The following POMZP3 variants were observed in gnomAD, a reference collection of about 807,000 sequenced individuals.
POMZP3 encodes the protein POM121 and ZP3 fusion protein.
POMZP3 carries 10 observed loss-of-function variants against 19.8 expected under a neutral mutation model. The observed-to-expected ratio is 0.51, with a 90% CI of 0.31 to 0.86. The LOEUF (loss-of-function observed/expected upper bound fraction) is 0.86. POMZP3 is among the 40% of genes least tolerant of loss of function. The probability of loss-of-function intolerance (pLI) is 0.04; values close to 1 mark genes in which losing one functional copy is unlikely to be tolerated. For missense variants in POMZP3, 152 were observed against 228.1 expected, an observed-to-expected ratio of 0.67 and a Z score of 2.15; for synonymous variants, 57 against 85.8, an observed-to-expected ratio of 0.66 and a Z score of 1.85.
chr7:76,620,947 C>A (rs528849636), intron 3 of POMZP3, among the ~76,000 whole-genome samples: 25 of 142,746 alleles, frequency 1.8e-4, no homozygotes, highest in Middle Eastern at 3.9e-3. Flanking sequence ...TGGCTCACTG[C>A]AACCTCTGCC....
intron 2 of POMZP3, 106 bp from the exon 3 acceptor site, chr7:76,625,789 T>C (rs1410218055): frequency 1.8e-5 from 25 of 1,416,440 alleles, no homozygotes; most frequent in Non-Finnish European, 2.4e-5. Context: ...ATTTATACAC[T>C]CACAACAGTT....
intron 6 of POMZP3, among the ~76,000 whole-genome samples, chr7:76,611,181 C>T (rs565941525): frequency 3.3e-5 from 5 of 150,736 alleles, no homozygotes; most frequent in South Asian, 2.1e-4. Flanking sequence ...GCCAGATTAT[C>T]TTAACAACTG....
chr7:76,616,407 C>A (rs1455213964), intron 4 of POMZP3, among the ~76,000 whole-genome samples: 1 of 100,412 alleles, frequency 1.0e-5, no homozygotes, highest in Non-Finnish European at 2.2e-5. Context: ...AGGCCCTACC[C>A]CAATAGAGTG....
chr7:76,611,957 G>C (rs924699848), intron 4 of POMZP3, 144 bp from the exon 5 acceptor site: 2 of 1,469,138 alleles, frequency 1.4e-6, no homozygotes, highest in African/African-American at 1.4e-5. Flanking sequence ...CCAGCACTTT[G>C]GGAGGCCAAG....
At chr7:76,616,280 CAAAA>C (rs1161112529) in intron 4 of POMZP3, among the ~76,000 whole-genome samples, 6,703 of 57,752 alleles carry the variant, frequency 0.12, 835 homozygotes, top group African/African-American at 0.36. Context: ...GAGACTGTCT[CAAAA>C]AAAAAAAAAA....
At chr7:76,615,163 T>C (rs1815246554) in intron 4 of POMZP3, among the ~76,000 whole-genome samples, 1 of 97,986 alleles carries the variant, frequency 1.0e-5, no homozygotes, top group South Asian at 3.5e-4. Context: ...TAGTTACCCC[T>C]CCACACCCAG....
chr7:76,624,696 T>C (rs2116883304), intron 3 of POMZP3, among the ~76,000 whole-genome samples: 1 of 149,834 alleles, frequency 6.7e-6, no homozygotes, highest in Admixed American at 6.6e-5. Flanking sequence ...TCCACCTGCC[T>C]GGGCCTCTCA....
At chr7:76,619,134 C>A (rs1437918146) in intron 3 of POMZP3, among the ~76,000 whole-genome samples, 2 of 152,242 alleles carry the variant, frequency 1.3e-5, no homozygotes, top group Admixed American at 1.3e-4. Flanking sequence ...CGCAGTGGCT[C>A]ATGCCTCTAA....
At chr7:76,621,242 C>G (rs1815541515) in intron 3 of POMZP3, 1 of 151,046 alleles carries the variant, frequency 6.6e-6, no homozygotes, top group Admixed American at 6.6e-5. Flanking sequence ...AGATGGAGGC[C>G]AATTAGCGGA....
rs1368552283 is a variant in POMZP3, at chr7:76,626,221, G to A, written c.-151-6C>T. ...CTGGTAAAGTCCCACGATCCCTGCA[G>A]AGAATGCGAGACAAATCATGGAAAC... On this transcript the variant is annotated splice_region_variant and splice_polypyrimidine_tract_variant and intron_variant, in intron 1 of 6. Transcript: ENST00000310842. 1 of 1,542,132 alleles carries A rather than the reference G, an allele frequency of 6.5e-7. No individual in the cohort carries two copies. Among genetic ancestry groups the A allele is most frequent in the African/African-American group, 1.4e-5 (1 of 72,824 alleles).
intron 4 of POMZP3, 110 bp from the exon 5 acceptor site, chr7:76,611,923 G>T: frequency 6.5e-7 from 1 of 1,539,420 alleles, no homozygotes. Flanking sequence ...AAGGGGCCGG[G>T]TGCGATGGCA....
At chr7:76,620,745 G>C (rs1364694540) in intron 3 of POMZP3, among the ~76,000 whole-genome samples, 1 of 151,980 alleles carries the variant, frequency 6.6e-6, no homozygotes, top group Non-Finnish European at 1.5e-5. Context: ...AGGGATTACA[G>C]GCGTGAGTCA....
Position 76,626,665 on chromosome 7 carries a change from C to T in POMZP3, c.-152+43G>A, listed in dbSNP as rs1254812289. The T allele has an allele frequency of 9.5e-6, 13 of 1,373,786 alleles. No homozygotes were observed. The East Asian group carries it at 3.4e-4, about 36-fold the overall frequency. 85.1% of individuals were successfully genotyped at this position (1,373,786 alleles called of 1,614,324 possible). On this transcript the variant is annotated intron_variant, in intron 1 of 6. Transcript: ENST00000310842. The stretch of plus-strand genomic sequence containing the variant: ...GATTTAAAAGTCCTCGATTTCAAGC[C>T]AGCCGAGCCAAAGGATGATCTGGGA...
chr7:76,626,206 C>T lies in POMZP3; in HGVS notation c.-142G>A. 6.4e-7 allele frequency: 1 copy of T among 1,556,630 alleles called. No homozygotes were observed. Among genetic ancestry groups the T allele is most frequent in the East Asian group, 2.4e-5 (1 of 41,342 alleles). ...TTATTACAAACCGATCTGGTAAAGT[C>T]CCACGATCCCTGCAGAGAATGCGAG... On this transcript the variant is annotated 5_prime_UTR_variant, in exon 2 of 7. Coordinates refer to ENST00000310842, the MANE Select transcript of POMZP3 (RefSeq NM_012230.5).
intron 3 of POMZP3, among the ~76,000 whole-genome samples, chr7:76,622,869 T>G (rs1234383825): frequency 1.3e-5 from 2 of 151,842 alleles, no homozygotes; most frequent in African/African-American, 2.4e-5. Flanking sequence ...TTAATCTAAA[T>G]TCCTTTTTTT....
intron 4 of POMZP3, 120 bp from the exon 5 acceptor site, chr7:76,611,933 A>G: frequency 6.5e-7 from 1 of 1,527,086 alleles, no homozygotes; most frequent in Non-Finnish European, 8.8e-7. Context: ...GTGCGATGGC[A>G]CACACCTATA....
chr7:76,612,922 G>T (rs1799216), intron 4 of POMZP3, among the ~76,000 whole-genome samples: 3,392 of 65,350 alleles, frequency 0.052, 500 homozygotes, highest in African/African-American at 0.19. Context: ...TTTTTTTTTT[G>T]TTTTTTTTTT....
chr7:76,624,610 T>C (rs538954998), intron 3 of POMZP3, among the ~76,000 whole-genome samples: 37 of 150,874 alleles, frequency 2.5e-4, no homozygotes, highest in Non-Finnish European at 3.1e-4. Context: ...CACATCCAGC[T>C]AATTTTTGTA....
rs1815878530 is a variant in POMZP3, at chr7:76,626,131, C to T, written c.-67G>A. Reference sequence around the variant, plus strand: ...CATTCCAGCACACTGTGGGAAGTACCCCCGGACAGGAATACTGGGCCTGAT... The same window carrying T: ...CATTCCAGCACACTGTGGGAAGTACTCCCGGACAGGAATACTGGGCCTGAT... On this transcript the variant is annotated 5_prime_UTR_variant, in exon 2 of 7. Coordinates refer to ENST00000310842, the MANE Select transcript of POMZP3 (RefSeq NM_012230.5). 6.2e-7 allele frequency: 1 copy of T among 1,611,942 alleles called. No homozygotes were observed. The highest frequency in any genetic ancestry group is 1.3e-5 in the African/African-American group (1 of 74,936).
Sources: gnomAD v4.1 joint callset for allele counts (sites outside exome capture counted in the v4.1 genomes callset) on GRCh38, gnomAD v4.1.1 for gene constraint, MANE v1.5 for transcripts, NCBI Gene and HGNC (gene_info 2026-07-23, HGNC 2026-07-21) for gene names.